LIMS1: variants seen among roughly 807,000 people sequenced by gnomAD.
LIMS1 encodes the protein LIM and senescent cell antigen-like-containing domain protein 1.
In LIMS1, 18 loss-of-function variants were observed where a neutral mutation model predicts 44.1. The observed-to-expected ratio is 0.41, with a 90% CI of 0.28 to 0.61. The LOEUF (loss-of-function observed/expected upper bound fraction) is 0.61, where lower values mean the gene tolerates loss of function less well. Ranked by LOEUF, LIMS1 falls within the 20% of genes least tolerant of loss-of-function variation. The probability of loss-of-function intolerance (pLI) is 0.32; values close to 1 mark genes in which losing one functional copy is unlikely to be tolerated. For synonymous variants in LIMS1, 93 were observed against 149.1 expected, an observed-to-expected ratio of 0.62 and a Z score of 2.74; for missense variants, 201 against 422.0, an observed-to-expected ratio of 0.48 and a Z score of 4.59.
At chr2:108,591,052 A>G (rs192667242) in intron 1 of LIMS1, among the ~76,000 whole-genome samples, 30 of 152,314 alleles carry the variant, frequency 2.0e-4, no homozygotes, top group Admixed American at 7.2e-4. Flanking sequence ...TCTTGAGGGC[A>G]GTGTAAAGTT....
intron 1 of LIMS1, among the ~76,000 whole-genome samples, chr2:108,582,119 T>TAA (rs1685910745): frequency 6.6e-6 from 1 of 152,228 alleles, no homozygotes; most frequent in Non-Finnish European, 1.5e-5. Flanking sequence ...ATTGATGAGT[T>TAA]AAGTCAAACC....
At chr2:108,580,307 T>G (rs10187016) in intron 1 of LIMS1, among the ~76,000 whole-genome samples, 55,898 of 152,098 alleles carry the variant, frequency 0.37, 12,174 homozygotes, top group East Asian at 0.88. Flanking sequence ...AGTATCTGAT[T>G]AACTTAGTTC....
intron 1 of LIMS1, among the ~76,000 whole-genome samples, chr2:108,583,701 T>TTTTTTTC (rs1491271132): frequency 2.7e-5 from 1 of 37,320 alleles, no homozygotes; most frequent in East Asian, 7.5e-3. Context: ...TTGCTGTTTC[T>TTTTTTTC]TTTTTTTTTT....
At chr2:108,640,287 A>G (rs1689577909) in intron 1 of LIMS1, among the ~76,000 whole-genome samples, 1 of 152,058 alleles carries the variant, frequency 6.6e-6, no homozygotes, top group Non-Finnish European at 1.5e-5. Context: ...GTGGGTAGAT[A>G]TTTGTTGGTT....
chr2:108,652,986 G>A (rs924407301), intron 1 of LIMS1, among the ~76,000 whole-genome samples: 1 of 152,204 alleles, frequency 6.6e-6, no homozygotes, highest in African/African-American at 2.4e-5. Context: ...CCATGAGGTT[G>A]TTCCTTTCTT....
At chr2:108,666,164 G>A (rs1691746402) in intron 2 of LIMS1, among the ~76,000 whole-genome samples, 1 of 152,210 alleles carries the variant, frequency 6.6e-6, no homozygotes, top group South Asian at 2.1e-4. Context: ...TCCTTCTGAT[G>A]CCAACTGAAA....
chr2:108,566,874 G>A (rs1461216729), intron 1 of LIMS1, among the ~76,000 whole-genome samples: 1 of 152,152 alleles, frequency 6.6e-6, no homozygotes, highest in African/African-American at 2.4e-5. Context: ...TGGGATTACA[G>A]GTGTGAGCTA....
intron 1 of LIMS1, among the ~76,000 whole-genome samples, chr2:108,637,094 C>CGT (rs1689311606): frequency 2.2e-5 from 2 of 92,156 alleles, no homozygotes; most frequent in Non-Finnish European, 2.4e-5. Flanking sequence ...GCAAAATATA[C>CGT]ATATATGTGT....
chr2:108,646,636 A>C (rs563886683), intron 1 of LIMS1, among the ~76,000 whole-genome samples: 1 of 152,364 alleles, frequency 6.6e-6, no homozygotes, highest in South Asian at 2.1e-4. Context: ...AGATCAGAGC[A>C]GAAAAGGAGA....
chr2:108,623,648 A>C (rs1466020853), intron 1 of LIMS1, among the ~76,000 whole-genome samples: 1 of 152,212 alleles, frequency 6.6e-6, no homozygotes, highest in Non-Finnish European at 1.5e-5. Flanking sequence ...CATATTTAAT[A>C]TGACCACAGA....
chr2:108,599,898 G>A (rs912777761), intron 1 of LIMS1, among the ~76,000 whole-genome samples: 1 of 151,588 alleles, frequency 6.6e-6, no homozygotes, highest in African/African-American at 2.4e-5. Context: ...TTTTACTATA[G>A]AGTTGTTTAA....
intron 1 of LIMS1, among the ~76,000 whole-genome samples, chr2:108,631,133 C>A (rs1181425708): frequency 6.6e-6 from 1 of 152,176 alleles, no homozygotes; most frequent in East Asian, 1.9e-4. Flanking sequence ...AGACTAGCCT[C>A]TGGCTTAAAG....
In LIMS1 at chr2:108,612,009, T is replaced by TATAAAATATATATAC. The variant is rs1422860535; in HGVS notation, c.33-47593_33-47592insAAATATATATACATA. ...TATACATATATTATATATACACACATATATATATACACACACATATACACA... is the reference window on the plus strand; with the variant it reads ...TATACATATATTATATATACACACATATAAAATATATATACATATATATACACACACATATACACA... On this transcript the variant is annotated intron_variant, in intron 1 of 9. Coordinates refer to ENST00000544547, the Ensembl canonical transcript of LIMS1. Among the ~76,000 whole-genome samples, 180 of 132,422 alleles carry TATAAAATATATATAC rather than the reference T, an allele frequency of 1.4e-3. 1 individual carries two copies. In the Middle Eastern group the frequency reaches 0.026, roughly 19 times the overall value. 86.9% of individuals were successfully genotyped at this position (132,422 alleles called of 152,430 possible).
intron 1 of LIMS1, among the ~76,000 whole-genome samples, chr2:108,570,256 C>A (rs957306651): frequency 3.9e-5 from 6 of 151,998 alleles, no homozygotes; most frequent in Non-Finnish European, 7.4e-5. Flanking sequence ...CATGGTGAAA[C>A]CCCATCTCTA....
intron 1 of LIMS1, among the ~76,000 whole-genome samples, chr2:108,596,288 ATTT>A (rs1686678739): frequency 6.6e-6 from 1 of 152,242 alleles, no homozygotes; most frequent in Non-Finnish European, 1.5e-5. Context: ...GCTGTCTTTA[ATTT>A]CCAAAGGAGG....
chr2:108,650,824 A>T (rs140573101), intron 1 of LIMS1, among the ~76,000 whole-genome samples: 4,076 of 152,070 alleles, frequency 0.027, 74 homozygotes, highest in Middle Eastern at 0.082. Flanking sequence ...TATGTACTGT[A>T]TAGTCATAGA....
intron 1 of LIMS1, among the ~76,000 whole-genome samples, chr2:108,635,361 G>T (rs1689168026): frequency 6.8e-6 from 1 of 146,538 alleles, no homozygotes. Context: ...TCGGAAGGCA[G>T]AAGTGGCAGT....
intron 4 of LIMS1, 61 bp downstream of exon 4, chr2:108,672,506 T>G: frequency 4.3e-6 from 2 of 468,578 alleles, no homozygotes; most frequent in South Asian, 4.3e-5. Context: ...CAAGATCATG[T>G]GTATTCTCCA....
chr2:108,547,865 A>G (rs1250513526), intron 1 of LIMS1, among the ~76,000 whole-genome samples: 1 of 152,186 alleles, frequency 6.6e-6, no homozygotes, highest in Non-Finnish European at 1.5e-5. Flanking sequence ...ATATTGAAGC[A>G]TGTTTTAGGG....
Sources: allele counts gnomAD v4.1 joint callset (sites outside exome capture counted in the v4.1 genomes callset), GRCh38; gene constraint gnomAD v4.1.1; transcripts MANE v1.5; gene names NCBI Gene and HGNC (gene_info 2026-07-23, HGNC 2026-07-21).